Variants in PSD2 observed in about 807,000 individuals in gnomAD.
PSD2 encodes pleckstrin and Sec7 domain containing 2.
A neutral mutation model predicts 69.8 loss-of-function variants in PSD2; 38 were observed. The observed-to-expected ratio is 0.54, with a 90% CI of 0.42 to 0.71. PSD2 has a LOEUF of 0.71. Among genes scored for constraint, PSD2 ranks in the 30% least tolerant of loss-of-function variants. The pLI is 0.00. For synonymous variants in PSD2, 412 were observed against 423.0 expected (o/e 0.97, Z 0.32); for missense variants, 943 against 1,014.5 (o/e 0.93, Z 0.96).
At chr5:139,830,568 T>TCCTTCCTTTCTTTCTTTCTTTC (rs55770348) in intron 7 of PSD2, among the ~76,000 whole-genome samples, 3 of 130,828 alleles carry the variant, frequency 2.3e-5, no homozygotes. Flanking sequence ...CTTCCTTCCT[T>TCCTTCCTTTCTTTCTTTCTTTC]TCTTTCTTTC....
rs750385116 is a variant in PSD2, at chr5:139,837,774, C to G, written c.1815C>G (p.Phe605Leu). The change falls in exon 12 of 15, where the codon TTC (phenylalanine) becomes TTG (leucine). Residue 605 changes from phenylalanine to leucine, a missense_variant. Physicochemically the swap from Phe to Leu is conservative, Grantham distance 22. This residue lies in a region of PSD2 where 312 missense variants were observed against 400.7 expected (regional missense o/e 0.78). Transcript: ENST00000274710. The surrounding 1 kb of genome is among the most constrained non-coding windows in gnomAD (Gnocchi z 5.0). ...CAGCCGACTGGAGGGTATTCCTCTTCCAGGCACCGTGAGTAGGAGCTGGAG... is the reference window on the plus strand; with the variant it reads ...CAGCCGACTGGAGGGTATTCCTCTTGCAGGCACCGTGAGTAGGAGCTGGAG... ...LKTADWRVFLFQAPSKEEMLS... is the reference protein window; with the variant it reads ...LKTADWRVFLLQAPSKEEMLS... 2 of 1,610,108 alleles carry G rather than the reference C, an allele frequency of 1.2e-6. No individual in the cohort carries two copies. Among genetic ancestry groups the G allele is most frequent in the Non-Finnish European group, 1.7e-6 (2 of 1,177,002 alleles).
upstream of PSD2, among the ~76,000 whole-genome samples, chr5:139,791,289 G>T (rs1759411611): frequency 6.6e-6 from 1 of 152,128 alleles, no homozygotes; most frequent in African/African-American, 2.4e-5. Context: ...AATTAGCTGG[G>T]TATAGTGGTG....
chr5:139,797,725 G>A (rs577369473), intron 1 of PSD2, among the ~76,000 whole-genome samples: 1 of 152,278 alleles, frequency 6.6e-6, no homozygotes, highest in South Asian at 2.1e-4. Flanking sequence ...TTTAGAGGGA[G>A]GCACTACCCT....
chr5:139,837,557 C>A lies in PSD2; in HGVS notation c.1666-68C>A. On this transcript the variant is annotated intron_variant, in intron 11 of 14. Transcript: ENST00000274710. The surrounding 1 kb of genome is among the most constrained non-coding windows in gnomAD (Gnocchi z 5.0). ...GGGAGCCGTAGGGTTAGACAGAGAG[C>A]AGTGAGGGGAGGGGAGAGTGGAAGG... 2 of 1,463,514 alleles carry A rather than the reference C, an allele frequency of 1.4e-6. No individual in the cohort carries two copies. Among genetic ancestry groups the A allele is most frequent in the Non-Finnish European group, 9.3e-7 (1 of 1,073,712 alleles). 90.7% of individuals were successfully genotyped at this position (1,463,514 alleles called of 1,614,324 possible). A position where few individuals can be genotyped will look rare whatever the true frequency, so the allele number is the denominator to read the frequency against.
the PSD2 span, chr5:139,745,235 A>G: frequency 6.6e-6 from 1 of 152,318 alleles, no homozygotes; most frequent in East Asian, 1.9e-4. Flanking sequence ...GTTGAGTGAC[A>G]GAGCTGGGTC....
the PSD2 span, among the ~76,000 whole-genome samples, chr5:139,772,186 G>A: frequency 6.6e-6 from 1 of 152,152 alleles, no homozygotes; most frequent in Non-Finnish European, 1.5e-5. Context: ...TCCCCAGACT[G>A]GGTCCTTGAA....
chr5:139,837,045 C>T lies in PSD2; in HGVS notation c.1594+44C>T, dbSNP rs764785854. ...GAGGGGCATGGGAGGGAGGCTGGCA[C>T]AGAGGGGGGCGCCACGGGCCACTCT... On this transcript the variant is annotated intron_variant, in intron 10 of 14. Coordinates refer to ENST00000274710, the MANE Select transcript of PSD2 (RefSeq NM_032289.4). The surrounding 1 kb of genome is among the most constrained non-coding windows in gnomAD (Gnocchi z 5.0). 8 of 1,598,108 alleles carry T rather than the reference C, an allele frequency of 5.0e-6. No homozygotes were observed. The highest frequency in any genetic ancestry group is 6.8e-6 in the Non-Finnish European group (8 of 1,169,434).
chr5:139,745,216 C>A, the PSD2 span: 1 of 152,278 alleles, frequency 6.6e-6, no homozygotes, highest in Non-Finnish European at 1.5e-5. Context: ...TGGGTGAAGG[C>A]TATGTAGAGT....
At chr5:139,753,604 G>A in the PSD2 span, among the ~76,000 whole-genome samples, 37 of 152,272 alleles carry the variant, frequency 2.4e-4, no homozygotes, top group African/African-American at 8.2e-4. Flanking sequence ...CTCAGCCTAA[G>A]AGCTATTTCA....
the PSD2 span, among the ~76,000 whole-genome samples, chr5:139,775,750 C>T: frequency 6.6e-6 from 1 of 152,234 alleles, no homozygotes; most frequent in African/African-American, 2.4e-5. Flanking sequence ...CTCACTGCAA[C>T]CTCCGTCTCC....
At chr5:139,793,467 G>C (rs1759455387), upstream of PSD2, among the ~76,000 whole-genome samples, 1 of 152,180 alleles carries the variant, frequency 6.6e-6, no homozygotes, top group Non-Finnish European at 1.5e-5. Flanking sequence ...GTGGGTTGGG[G>C]GGACTGGACT....
intron 5 of PSD2, 119 bp from the exon 6 acceptor site, chr5:139,821,774 A>G: frequency 1.7e-6 from 1 of 578,218 alleles, no homozygotes; most frequent in East Asian, 3.0e-5. Context: ...ATCCAGACCC[A>G]GAGAGTGGGG....
the PSD2 span, among the ~76,000 whole-genome samples, chr5:139,776,318 C>T: frequency 6.6e-6 from 1 of 152,236 alleles, no homozygotes; most frequent in Admixed American, 6.5e-5. Flanking sequence ...AGCCTCCCTC[C>T]CCCAAGTGCA....
chr5:139,751,753 C>T, the PSD2 span, among the ~76,000 whole-genome samples: 18 of 148,928 alleles, frequency 1.2e-4, no homozygotes, highest in South Asian at 3.8e-3. Flanking sequence ...TTTGGCCACT[C>T]TAGGACAGTG....
the PSD2 span, among the ~76,000 whole-genome samples, chr5:139,749,776 G>T: frequency 6.7e-6 from 1 of 148,288 alleles, no homozygotes; most frequent in African/African-American, 2.5e-5. Context: ...TGGGCAGATT[G>T]CTTGAGCCTA....
At chr5:139,841,058 C>T (rs1760859013) in intron 14 of PSD2, among the ~76,000 whole-genome samples, 1 of 152,168 alleles carries the variant, frequency 6.6e-6, no homozygotes, top group Non-Finnish European at 1.5e-5. Flanking sequence ...TCTCCCCTCC[C>T]TCCAGCCCCT....
In PSD2 at chr5:139,838,716, T is replaced by C. The variant is rs144273278; in HGVS notation, c.1912T>C (p.Ser638Pro). The C allele has an allele frequency of 6.2e-7, 1 of 1,613,738 alleles. No individual in the cohort carries two copies. The highest frequency in any genetic ancestry group is 8.5e-7 in the Non-Finnish European group (1 of 1,179,916). ...SAPAFPAAVS[S>P]MKKFCRPLLP... ...CCCGGCCTTCCCAGCCGCTGTCAGCTCCATGAAGAAGTTCTGTCGGCCCCT... is the reference window on the plus strand; with the variant it reads ...CCCGGCCTTCCCAGCCGCTGTCAGCCCCATGAAGAAGTTCTGTCGGCCCCT... The change falls in exon 13 of 15, where the codon TCC becomes CCC. Residue 638 changes from serine (S) to proline (P), a missense_variant. Physicochemically the swap from Ser to Pro is moderately conservative, Grantham distance 74. Around this residue, in one of 3 missense-constraint regions of PSD2, gnomAD observed 312 missense variants for 400.7 expected, o/e 0.78. Transcript: ENST00000274710.
chr5:139,842,119 CTTGT>C, intron 14 of PSD2, 148 bp from the exon 15 acceptor site: 1 of 625,418 alleles, frequency 1.6e-6, no homozygotes, highest in Non-Finnish European at 2.7e-6. Flanking sequence ...GTGCATGTCC[CTTGT>C]TTATTTTTTA....
the PSD2 span, among the ~76,000 whole-genome samples, chr5:139,766,828 C>CTTCTCTCTTTCT: frequency 0.046 from 4,006 of 86,882 alleles, 292 homozygotes; most frequent in African/African-American, 0.07. Context: ...AAGTCCCTTC[C>CTTCTCTCTTTCT]TTCTTTCTTT....
Sources: gnomAD v4.1 joint callset for allele counts (sites outside exome capture counted in the v4.1 genomes callset) on GRCh38, gnomAD v4.1.1 for gene constraint, gnomAD v4.1.1 regional missense constraint, Gnocchi (gnomAD v3.1) non-coding constraint, MANE v1.5 for transcripts, NCBI Gene and HGNC (gene_info 2026-07-23, HGNC 2026-07-21) for gene names.